The following CDH13 variants were observed in gnomAD, a reference collection of about 807,000 sequenced individuals.
The protein encoded by CDH13 is cadherin-13.
CDH13 carries 24 observed loss-of-function variants against 63.8 expected under a neutral mutation model. The observed-to-expected ratio is 0.38, with a 90% CI of 0.27 to 0.53. The LOEUF (loss-of-function observed/expected upper bound fraction) is 0.53. Ranked by LOEUF, CDH13 falls within the 20% of genes least tolerant of loss-of-function variation. The probability of loss-of-function intolerance (pLI) is 0.85; values close to 1 mark genes in which losing one functional copy is unlikely to be tolerated. For missense variants in CDH13, 1,049 were observed against 903.1 expected (o/e 1.16, Z -2.07); for synonymous variants, 503 against 355.3 (o/e 1.42, Z -4.67).
intron 2 of CDH13, among the ~76,000 whole-genome samples, chr16:82,927,125 G>A (rs761335257): frequency 2.0e-5 from 3 of 152,066 alleles, no homozygotes; most frequent in Admixed American, 6.5e-5. Flanking sequence ...GCCTCTCCAC[G>A]TGGCTGCTTG....
chr16:82,970,383 T>TC (rs1908542153), intron 2 of CDH13, among the ~76,000 whole-genome samples: 1 of 74,820 alleles, frequency 1.3e-5, no homozygotes. Flanking sequence ...GTGCATATTC[T>TC]TTTTTTTTTT....
chr16:82,916,695 T>C (rs546449639), intron 2 of CDH13, among the ~76,000 whole-genome samples: 106 of 152,300 alleles, frequency 7.0e-4, no homozygotes, highest in Admixed American at 7.2e-4. Flanking sequence ...TATCAATAAT[T>C]TTTATGTTTG....
At chr16:83,443,741 TATATATATATA>T in intron 6 of CDH13, among the ~76,000 whole-genome samples, 1 of 71,832 alleles carries the variant, frequency 1.4e-5, no homozygotes, top group Non-Finnish European at 2.4e-5. Context: ...AAAAAATATA[TATATATATATA>T]TATATATATA....
intron 3 of CDH13, among the ~76,000 whole-genome samples, chr16:83,110,953 A>G (rs996580840): frequency 7.1e-6 from 1 of 141,274 alleles, no homozygotes; most frequent in Non-Finnish European, 1.5e-5. Context: ...GTCAATAAAT[A>G]TCTGTTGGCT....
At chr16:83,702,887 C>T (rs962236341) in intron 10 of CDH13, among the ~76,000 whole-genome samples, 3 of 152,198 alleles carry the variant, frequency 2.0e-5, no homozygotes, top group African/African-American at 4.8e-5. Context: ...CATATTACTG[C>T]ATAAAAATAG....
intron 7 of CDH13, among the ~76,000 whole-genome samples, chr16:83,506,944 A>T (rs913605562): frequency 1.3e-5 from 2 of 152,194 alleles, no homozygotes; most frequent in African/African-American, 2.4e-5. Context: ...TACACAGCTG[A>T]GCAGCTTCCA....
intron 4 of CDH13, among the ~76,000 whole-genome samples, chr16:83,203,479 G>T (rs1286640632): frequency 6.6e-6 from 1 of 151,766 alleles, no homozygotes; most frequent in Admixed American, 6.6e-5. Flanking sequence ...GAGGTTAGGA[G>T]ATCAAGACCA....
intron 7 of CDH13, among the ~76,000 whole-genome samples, chr16:83,486,939 A>G (rs547731880): frequency 6.6e-6 from 1 of 152,256 alleles, no homozygotes; most frequent in South Asian, 2.1e-4. Context: ...TGGTGATTCT[A>G]GACTCTGCCT....
rs1905293530 is a variant in CDH13, at chr16:83,695,580, C to A, written c.1538+17119C>A. Among the ~76,000 whole-genome samples, 8 of 152,012 alleles carry A rather than the reference C, an allele frequency of 5.3e-5. No individual in the cohort carries two copies. In the South Asian group the frequency reaches 1.2e-3, roughly 24 times the overall value. On this transcript the variant is annotated intron_variant, in intron 10 of 13. Transcript: ENST00000567109. Reference sequence around the variant, plus strand: ...TCACCCATGGAAACCCACAGCTAGGCTCCAAAGAAAAAGAAGATAAATCTC... The same window carrying A: ...TCACCCATGGAAACCCACAGCTAGGATCCAAAGAAAAAGAAGATAAATCTC...
Position 82,863,669 on chromosome 16 carries a change from A to G in CDH13, c.157+5196A>G, listed in dbSNP as rs867093146. On this transcript the variant is annotated intron_variant, in intron 2 of 13. Transcript: ENST00000567109. ...TGCTATTATTATTATTATTGTCCTT[A>G]TAATTTCTGCTGTTACTATTATTAT... 7.9e-5 allele frequency among the ~76,000 whole-genome samples: 12 copies of G among 152,276 alleles called. No homozygotes were observed. The South Asian group carries it at 1.0e-3, about 13-fold the overall frequency.
chr16:82,809,579 CT>C (rs1274456956), intron 1 of CDH13, among the ~76,000 whole-genome samples: 2 of 152,086 alleles, frequency 1.3e-5, no homozygotes, highest in Non-Finnish European at 2.9e-5. Flanking sequence ...GCCATTATAT[CT>C]TTCTTTGGAT....
chr16:83,521,923 G>T (rs1317370642), intron 7 of CDH13, among the ~76,000 whole-genome samples: 1 of 152,236 alleles, frequency 6.6e-6, no homozygotes, highest in Non-Finnish European at 1.5e-5. Context: ...TTAAATGAAA[G>T]AGTGTAGAGT....
chr16:83,379,919 G>GTGTGTA (rs1555538670), intron 6 of CDH13, among the ~76,000 whole-genome samples: 5 of 126,440 alleles, frequency 4.0e-5, no homozygotes, highest in South Asian at 2.7e-4. Context: ...ATGTGTGTGT[G>GTGTGTA]TATATATATA....
At position 83,240,715 on chromosome 16, in the gene CDH13, A is replaced by ACC. The variant is rs1567531884; in HGVS notation, c.636+23218_636+23219insCC. On this transcript the variant is annotated intron_variant, in intron 5 of 13. Coordinates refer to ENST00000567109, the MANE Select transcript of CDH13 (RefSeq NM_001257.5). Reference sequence around the variant, plus strand: ...ACATGACTTTAAATTTACTGTCTTAATCTTTTTTTTTTTTTTTTTTTTTTT... The same window carrying ACC: ...ACATGACTTTAAATTTACTGTCTTAACCTCTTTTTTTTTTTTTTTTTTTTTTT... Among the ~76,000 whole-genome samples, 476 of 49,512 alleles carry ACC rather than the reference A, an allele frequency of 9.6e-3. 34 individuals carry two copies. The highest frequency in any genetic ancestry group is 0.052 in the South Asian group (49 of 940). The allele number at this position is 49,512 out of a possible 152,430, so 32.5% of individuals were successfully genotyped here.
At chr16:83,414,579 C>T (rs2092172987) in intron 6 of CDH13, among the ~76,000 whole-genome samples, 1 of 151,690 alleles carries the variant, frequency 6.6e-6, no homozygotes, top group African/African-American at 2.4e-5. Context: ...CAAGTTTTCC[C>T]TCCCCCTAGA....
At chr16:83,017,946 A>G (rs1914963074) in intron 2 of CDH13, among the ~76,000 whole-genome samples, 1 of 152,226 alleles carries the variant, frequency 6.6e-6, no homozygotes, top group Non-Finnish European at 1.5e-5. Context: ...TTTGTGAATC[A>G]AGTAGGTTGG....
chr16:83,608,472 T>A (rs898225072), intron 8 of CDH13, among the ~76,000 whole-genome samples: 1 of 152,006 alleles, frequency 6.6e-6, no homozygotes, highest in African/African-American at 2.4e-5. Flanking sequence ...TCTTTTCCTG[T>A]GGGGTATTAG....
At position 83,437,718 on chromosome 16, in the gene CDH13, G is replaced by A. The variant is rs115811708; in HGVS notation, c.782-48759G>A. Among the ~76,000 whole-genome samples, 549 of 152,086 alleles carry A rather than the reference G, an allele frequency of 3.6e-3. 7 individuals are homozygous for A. Among genetic ancestry groups the A allele is most frequent in the African/African-American group, 0.013 (528 of 41,500 alleles). Reference sequence around the variant, plus strand: ...AAAAAATAAAGGCTTCACATAATATGCAGCCAAAGTCAGAAAAAAAATAAC... The same window carrying A: ...AAAAAATAAAGGCTTCACATAATATACAGCCAAAGTCAGAAAAAAAATAAC... On this transcript the variant is annotated intron_variant, in intron 6 of 13. Transcript: ENST00000567109.
At chr16:83,532,794 T>C (rs1173917766) in intron 7 of CDH13, among the ~76,000 whole-genome samples, 1 of 152,338 alleles carries the variant, frequency 6.6e-6, no homozygotes, top group Non-Finnish European at 1.5e-5. Flanking sequence ...ACTAGAGCAG[T>C]TGTCCCATTA....
Sources: allele counts gnomAD v4.1 joint callset (sites outside exome capture counted in the v4.1 genomes callset), GRCh38; gene constraint gnomAD v4.1.1; transcripts MANE v1.5; gene names NCBI Gene and HGNC (gene_info 2026-07-23, HGNC 2026-07-21).